EDC4: variants seen among roughly 807,000 people sequenced by gnomAD.
EDC4 encodes the protein enhancer of mRNA decapping 4.
In EDC4, 64 loss-of-function variants were observed where a neutral mutation model predicts 155.8. That is an observed-to-expected ratio of 0.41 (90% CI 0.34 to 0.51). EDC4 has a LOEUF of 0.51. Among genes scored for constraint, EDC4 ranks in the 20% least tolerant of loss-of-function variants. EDC4 has a pLI of 0.19. For missense variants in EDC4, 1,303 were observed against 1,812.5 expected, an observed-to-expected ratio of 0.72 and a Z score of 5.10; for synonymous variants, 684 against 716.8, an observed-to-expected ratio of 0.95 and a Z score of 0.73.
Position 67,878,292 on chromosome 16 carries a change from G to C in EDC4, c.1004+17G>C. 1 of 1,614,194 alleles carries C rather than the reference G, an allele frequency of 6.2e-7. No individual in the cohort carries two copies. Among genetic ancestry groups the C allele is most frequent in the Non-Finnish European group, 8.5e-7 (1 of 1,180,046 alleles). ...TGAGCCAAGGTAAGGCAGGGCCTCA[G>C]GGACCAGGATCCTCCCGAGGTAGCC... On this transcript the variant is annotated intron_variant, in intron 8 of 28. Coordinates refer to ENST00000358933, the MANE Select transcript of EDC4 (RefSeq NM_014329.5). This position sits in a 1 kb window ranked among gnomAD's most constrained non-coding sequence, Gnocchi z 5.2.
rs563169730 is a variant in EDC4 at position 67,883,546 on chromosome 16, C to T, written c.3850-22C>T. On this transcript the variant is annotated intron_variant, in intron 27 of 28. Coordinates refer to ENST00000358933, the MANE Select transcript of EDC4 (RefSeq NM_014329.5). This position sits in a 1 kb window ranked among gnomAD's most constrained non-coding sequence, Gnocchi z 5.3. The stretch of plus-strand genomic sequence containing the variant: ...TCCATCCTGATATTTGCTATAAACA[C>T]TGCTGCTTTTTTCTCCTCCAGGCGC... 17 of 1,611,352 alleles carry T rather than the reference C, an allele frequency of 1.1e-5. No homozygotes were observed. The East Asian group carries it at 3.6e-4, about 34-fold the overall frequency.
chr16:67,880,416 C>A lies in EDC4; in HGVS notation c.2098-141C>A. ...CCCTGTCCCCACCTCCTCTTCTTGG[C>A]TGTGGCCTCGTTTTTGACCTGTATC... On this transcript the variant is annotated intron_variant, in intron 17 of 28. Coordinates refer to ENST00000358933, the MANE Select transcript of EDC4 (RefSeq NM_014329.5). The surrounding 1 kb of genome is among the most constrained non-coding windows in gnomAD (Gnocchi z 5.2). 1 of 1,364,296 alleles carries A rather than the reference C, an allele frequency of 7.3e-7. No individual in the cohort carries two copies. The highest frequency in any genetic ancestry group is 1.0e-6 in the Non-Finnish European group (1 of 1,000,142). The allele number at this position is 1,364,296 out of a possible 1,614,324, so 84.5% of individuals were successfully genotyped here.
chr16:67,874,431 T>C, intron 1 of EDC4, among the ~76,000 whole-genome samples: 1 of 152,226 alleles, frequency 6.6e-6, no homozygotes, highest in Non-Finnish European at 1.5e-5. Context: ...ATCTGCTGCC[T>C]GAGACCACTC....
rs2058073579 is a variant in EDC4, at chr16:67,882,590, G to A, written c.3438G>A (p.Gln1146=). The part of the protein sequence containing the change: ...QINDSFRLGT[Q]EYLQQLESHM... ...ATGATAGCTTCCGGCTGGGGACACA[G>A]GAATGTGAGTGGGGTCATATGGCCC... The change falls in exon 25 of 29, where the codon CAG becomes CAA. Residue 1146 remains glutamine, a synonymous_variant. Coordinates refer to ENST00000358933, the MANE Select transcript of EDC4 (RefSeq NM_014329.5). This position sits in a 1 kb window ranked among gnomAD's most constrained non-coding sequence, Gnocchi z 7.2. 6.2e-7 allele frequency: 1 copy of A among 1,614,222 alleles called. No homozygotes were observed. The highest frequency in any genetic ancestry group is 8.5e-7 in the Non-Finnish European group (1 of 1,180,038).
In EDC4 at chr16:67,876,596, C is replaced by T. The variant is rs1163797988; in HGVS notation, c.348C>T (p.Asn116=). The T allele has an allele frequency of 6.2e-7, 1 of 1,614,038 alleles. No individual in the cohort carries two copies. Among genetic ancestry groups the T allele is most frequent in the South Asian group, 1.1e-5 (1 of 91,072 alleles). The change falls in exon 3 of 29, where the codon AAC becomes AAT. Residue 116 remains asparagine, a synonymous_variant. Coordinates refer to ENST00000358933, the MANE Select transcript of EDC4 (RefSeq NM_014329.5). This position sits in a 1 kb window ranked among gnomAD's most constrained non-coding sequence, Gnocchi z 5.8. ...SSISSKARGS[N]KVKIQPVAKY... ...TTTCAAGCAAGGCCCGGGGAAGCAA[C>T]AAGGTAGGTACTGGGATGCTGTGGC... is the stretch of plus-strand genomic sequence containing the variant.
rs2058083882 is a variant in EDC4, at chr16:67,884,282, G to C, written c.*134G>C. 1 of 851,718 alleles carries C rather than the reference G, an allele frequency of 1.2e-6. No homozygotes were observed. 52.8% of individuals were successfully genotyped at this position (851,718 alleles called of 1,614,324 possible). A position where few individuals can be genotyped will look rare whatever the true frequency, so the allele number is the denominator to read the frequency against. On this transcript the variant is annotated 3_prime_UTR_variant, in exon 29 of 29. Coordinates refer to ENST00000358933, the MANE Select transcript of EDC4 (RefSeq NM_014329.5). This position sits in a 1 kb window ranked among gnomAD's most constrained non-coding sequence, Gnocchi z 4.1. ...GGGGTGTTTGGGGGTCAGGGAGCAG[G>C]GAGCACTGGCCGTGGTCTACAGCGT...
At position 67,881,052 on chromosome 16, in the gene EDC4, G is replaced by A; in HGVS notation, c.2532-24G>A. On this transcript the variant is annotated intron_variant, in intron 18 of 28. Coordinates refer to ENST00000358933, the MANE Select transcript of EDC4 (RefSeq NM_014329.5). This position sits in a 1 kb window ranked among gnomAD's most constrained non-coding sequence, Gnocchi z 5.4. ...AGGGGCTTCAGATAGATTCATCCAT[G>A]GCTAAGTTGGCCTGTCCTCCCAGCC... 6.2e-7 allele frequency: 1 copy of A among 1,614,012 alleles called. No individual in the cohort carries two copies. Among genetic ancestry groups the A allele is most frequent in the Non-Finnish European group, 8.5e-7 (1 of 1,180,030 alleles).
chr16:67,878,156 T>G lies in EDC4; in HGVS notation c.895-10T>G. 6.2e-7 allele frequency: 1 copy of G among 1,614,078 alleles called. No homozygotes were observed. ...CCTCTAGTCAGCAAAGCTTTTTGGG[T>G]TCTTTCTAGTGCCTCAGTGAAGGAG... is the stretch of plus-strand genomic sequence containing the variant. On this transcript the variant is annotated splice_polypyrimidine_tract_variant and intron_variant, in intron 7 of 28. Transcript: ENST00000358933. This position sits in a 1 kb window ranked among gnomAD's most constrained non-coding sequence, Gnocchi z 5.2.
Position 67,879,576 on chromosome 16 carries a change from T to G in EDC4, c.1634-11T>G, listed in dbSNP as rs371245095. ...TCTGAGATCTAACTCAAGTGGCAAC[T>G]TGCCCTGCAGCATTTGGAGAGTCTC... On this transcript the variant is annotated splice_polypyrimidine_tract_variant and intron_variant, in intron 14 of 28. Coordinates refer to ENST00000358933, the MANE Select transcript of EDC4 (RefSeq NM_014329.5). The surrounding 1 kb of genome is among the most constrained non-coding windows in gnomAD (Gnocchi z 6.0). 2.6e-4 allele frequency: 422 copies of G among 1,613,592 alleles called. 3 individuals carry two copies. The highest frequency in any genetic ancestry group is 4.5e-5 in the Non-Finnish European group (53 of 1,179,690).
Position 67,882,144 on chromosome 16 carries a change from C to G in EDC4, c.3160+35C>G, listed in dbSNP as rs117539386. 0.037 allele frequency: 59,980 copies of G among 1,613,476 alleles called. 1,343 individuals carry two copies. Among genetic ancestry groups the G allele is most frequent in the Middle Eastern group, 0.1 (625 of 6,056 alleles). ...GCATGCAGACTCCCTTTGGGTGGTTCAGGTGGGAGTGGGGTACCTGTCAAG... is the reference window on the plus strand; with the variant it reads ...GCATGCAGACTCCCTTTGGGTGGTTGAGGTGGGAGTGGGGTACCTGTCAAG... On this transcript the variant is annotated intron_variant, in intron 23 of 28. Coordinates refer to ENST00000358933, the MANE Select transcript of EDC4 (RefSeq NM_014329.5). The surrounding 1 kb of genome is among the most constrained non-coding windows in gnomAD (Gnocchi z 7.2).
Position 67,881,126 on chromosome 16 carries a change from C to G in EDC4, c.2582C>G (p.Pro861Arg), listed in dbSNP as rs1211516710. Residue 861 changes from proline (P) to arginine (R), a missense_variant, in exon 19 of 29, where the codon CCA (proline) becomes CGA (arginine). Pro to Arg is a moderately radical substitution (Grantham distance 103). Around this residue, in one of 5 missense-constraint regions of EDC4, gnomAD observed 527 missense variants for 757.0 expected, o/e 0.70. Transcript: ENST00000358933. This position sits in a 1 kb window ranked among gnomAD's most constrained non-coding sequence, Gnocchi z 5.4. ...EKHKSLAFHR[P>R]PYHLLQQRDS... Reference sequence around the variant, plus strand: ...CACAAGAGCCTGGCCTTCCACCGACCACCATATCACCTGCTGCAGCAACGT... The same window carrying G: ...CACAAGAGCCTGGCCTTCCACCGACGACCATATCACCTGCTGCAGCAACGT... 6.2e-7 allele frequency: 1 copy of G among 1,614,028 alleles called. No homozygotes were observed. The highest frequency in any genetic ancestry group is 1.3e-5 in the African/African-American group (1 of 74,930).
chr16:67,879,640 C>A lies in EDC4; in HGVS notation c.1687C>A (p.His563Asn). Residue 563 changes from histidine to asparagine, a missense_variant, in exon 15 of 29, where the codon CAC becomes AAC. Physicochemically the swap from His to Asn is moderately conservative, Grantham distance 68. Transcript: ENST00000358933. The surrounding 1 kb of genome is among the most constrained non-coding windows in gnomAD (Gnocchi z 6.0). ...CTCTGAGGGCCTGGGGTCAGCCGCT[C>A]ACGGCTCCCAGCCTGACCTCCGACG... Reference protein sequence around the residue: ...LGSEGLGSAAHGSQPDLRRIV... With the variant: ...LGSEGLGSAANGSQPDLRRIV... 6.2e-7 allele frequency: 1 copy of A among 1,614,176 alleles called. No individual in the cohort carries two copies. Among genetic ancestry groups the A allele is most frequent in the Non-Finnish European group, 8.5e-7 (1 of 1,180,030 alleles).
At position 67,879,525 on chromosome 16, in the gene EDC4, G is replaced by T; in HGVS notation, c.1633+22G>T. ...TTCAGTGAGTAGGGCGTGAGAGGGAGGTAGGGTAAGTTGGACTGACCAGGG... is the reference window on the plus strand; with the variant it reads ...TTCAGTGAGTAGGGCGTGAGAGGGATGTAGGGTAAGTTGGACTGACCAGGG... On this transcript the variant is annotated intron_variant, in intron 14 of 28. Coordinates refer to ENST00000358933, the MANE Select transcript of EDC4 (RefSeq NM_014329.5). This position sits in a 1 kb window ranked among gnomAD's most constrained non-coding sequence, Gnocchi z 6.0. 2.5e-6 allele frequency: 4 copies of T among 1,614,074 alleles called. No individual in the cohort carries two copies. Among genetic ancestry groups the T allele is most frequent in the Non-Finnish European group, 3.4e-6 (4 of 1,179,986 alleles).
Position 67,873,186 on chromosome 16 carries a change from C to G in EDC4, c.-76C>G. 1 of 1,144,584 alleles carries G rather than the reference C, an allele frequency of 8.7e-7. No homozygotes were observed. Among genetic ancestry groups the G allele is most frequent in the East Asian group, 3.2e-5 (1 of 31,030 alleles). 70.9% of individuals were successfully genotyped at this position (1,144,584 alleles called of 1,614,324 possible). A position where few individuals can be genotyped will look rare whatever the true frequency, so the allele number is the denominator to read the frequency against. On this transcript the variant is annotated 5_prime_UTR_variant, in exon 1 of 29. Coordinates refer to ENST00000358933, the MANE Select transcript of EDC4 (RefSeq NM_014329.5). Reference sequence around the variant, plus strand: ...GGCGTCCCGCTGTCTCGCCCCGTGGCGGGTGAGCGAGGGTGCGTGGTGCGC... The same window carrying G: ...GGCGTCCCGCTGTCTCGCCCCGTGGGGGGTGAGCGAGGGTGCGTGGTGCGC...
chr16:67,878,132 C>G lies in EDC4; in HGVS notation c.895-34C>G. 6.2e-7 allele frequency: 1 copy of G among 1,613,668 alleles called. No homozygotes were observed. Among genetic ancestry groups the G allele is most frequent in the Non-Finnish European group, 8.5e-7 (1 of 1,179,840 alleles). ...TCACTTGGGAGGGGCTTGTTCTCACCTCTAGTCAGCAAAGCTTTTTGGGTT... is the reference window on the plus strand; with the variant it reads ...TCACTTGGGAGGGGCTTGTTCTCACGTCTAGTCAGCAAAGCTTTTTGGGTT... On this transcript the variant is annotated intron_variant, in intron 7 of 28. Transcript: ENST00000358933. The surrounding 1 kb of genome is among the most constrained non-coding windows in gnomAD (Gnocchi z 5.2).
rs759430056 is a variant in EDC4, at chr16:67,879,363, C to T, written c.1542-49C>T. The T allele has an allele frequency of 9.9e-6, 16 of 1,614,236 alleles. No individual in the cohort carries two copies. The South Asian group carries it at 1.5e-4, about 16-fold the overall frequency. ...CCTGTCTGTGTCTGTCTCCACTCTA[C>T]TGACCCTTGCCCTTGGAGCACTTTA... On this transcript the variant is annotated intron_variant, in intron 13 of 28. Transcript: ENST00000358933. The surrounding 1 kb of genome is among the most constrained non-coding windows in gnomAD (Gnocchi z 6.0).
Position 67,878,422 on chromosome 16 carries a change from A to C in EDC4, c.1067A>C (p.Asn356Thr). The C allele has an allele frequency of 6.2e-7, 1 of 1,614,156 alleles. No homozygotes were observed. The highest frequency in any genetic ancestry group is 8.5e-7 in the Non-Finnish European group (1 of 1,180,028). ...CTCTCCTGCCTCCTGTTCTGTGACA[A>C]CCATAAGAAACAAGACCCTGAGTGA... ...RPLSCLLFCD[N>T]HKKQDPDVPF... Residue 356 changes from asparagine to threonine, a missense_variant, in exon 9 of 29, where the codon AAC becomes ACC. Around this residue, in one of 5 missense-constraint regions of EDC4, gnomAD observed 235 missense variants for 367.7 expected, o/e 0.64. Transcript: ENST00000358933. The surrounding 1 kb of genome is among the most constrained non-coding windows in gnomAD (Gnocchi z 5.2).
rs866454711 is a variant in EDC4, at chr16:67,880,457, C to A, written c.2098-100C>A. 1.3e-5 allele frequency: 19 copies of A among 1,479,428 alleles called. No homozygotes were observed. In the Middle Eastern group the frequency reaches 7.3e-4, roughly 57 times the overall value. 91.6% of individuals were successfully genotyped at this position (1,479,428 alleles called of 1,614,324 possible). ...GACCTGTATCCCCACTTCCCTGCTG[C>A]CCTGTCTCTCATTACTGCTAATACT... On this transcript the variant is annotated intron_variant, in intron 17 of 28. Coordinates refer to ENST00000358933, the MANE Select transcript of EDC4 (RefSeq NM_014329.5). The surrounding 1 kb of genome is among the most constrained non-coding windows in gnomAD (Gnocchi z 5.2).
In EDC4 at chr16:67,882,869, T is replaced by C; in HGVS notation, c.3629+4T>C. ...AGCTGCATGTGGCTGTGGGCAGGTG[T>C]GTGGGCAGAGTACTGGGCAAGGTGG... is the stretch of plus-strand genomic sequence containing the variant. On this transcript the variant is annotated splice_donor_region_variant and intron_variant, in intron 26 of 28. Coordinates refer to ENST00000358933, the MANE Select transcript of EDC4 (RefSeq NM_014329.5). The surrounding 1 kb of genome is among the most constrained non-coding windows in gnomAD (Gnocchi z 7.2). 6 of 1,614,138 alleles carry C rather than the reference T, an allele frequency of 3.7e-6. No individual in the cohort carries two copies. Among genetic ancestry groups the C allele is most frequent in the Non-Finnish European group, 5.1e-6 (6 of 1,180,028 alleles).
Sources: allele counts gnomAD v4.1 joint callset (sites outside exome capture counted in the v4.1 genomes callset), GRCh38; gene constraint gnomAD v4.1.1; regional missense constraint gnomAD v4.1.1; non-coding constraint Gnocchi (gnomAD v3.1); transcripts MANE v1.5; gene names NCBI Gene and HGNC (gene_info 2026-07-23, HGNC 2026-07-21).